Variants in CCDC178 observed in about 807,000 individuals in gnomAD.
CCDC178 encodes the protein coiled-coil domain-containing protein 178.
A neutral mutation model predicts 117.4 loss-of-function variants in CCDC178; 126 were observed. The ratio of observed to expected loss-of-function variants is 1.07; its 90% CI spans 0.93 to 1.24. The LOEUF (loss-of-function observed/expected upper bound fraction) is 1.24. Among genes scored for constraint, CCDC178 ranks in the 50% most tolerant of loss-of-function variants. CCDC178 has a pLI of 0.00. For synonymous variants in CCDC178, 283 were observed against 313.4 expected (o/e 0.90, Z 1.02); for missense variants, 1,030 against 986.9 (o/e 1.04, Z -0.59).
intron 9 of CCDC178, among the ~76,000 whole-genome samples, chr18:33,333,875 A>G (rs1248824908): frequency 6.6e-6 from 1 of 152,134 alleles, no homozygotes; most frequent in East Asian, 1.9e-4. Context: ...TTCATCATCA[A>G]AAGGATTAAA....
chr18:33,039,049 T>C (rs2056497837), intron 21 of CCDC178, among the ~76,000 whole-genome samples: 1 of 152,002 alleles, frequency 6.6e-6, no homozygotes, highest in African/African-American at 2.4e-5. Context: ...TTTAAAAGAT[T>C]AAGTTCCCAA....
At chr18:33,054,869 C>G (rs2056803207) in intron 21 of CCDC178, among the ~76,000 whole-genome samples, 1 of 152,194 alleles carries the variant, frequency 6.6e-6, no homozygotes, top group African/African-American at 2.4e-5. Flanking sequence ...AATAGTTGAA[C>G]AAATTTATAC....
At chr18:33,000,709 T>C (rs2055612987) in intron 21 of CCDC178, among the ~76,000 whole-genome samples, 1 of 152,210 alleles carries the variant, frequency 6.6e-6, no homozygotes, top group Admixed American at 6.5e-5. Flanking sequence ...TATCCTAGAA[T>C]AGCGTATCCA....
intron 20 of CCDC178, among the ~76,000 whole-genome samples, chr18:33,150,455 G>C (rs2058328204): frequency 6.6e-6 from 1 of 152,138 alleles, no homozygotes; most frequent in African/African-American, 2.4e-5. Context: ...AGACAATCTT[G>C]TGGGAGAAAA....
intron 22 of CCDC178, among the ~76,000 whole-genome samples, chr18:32,963,362 C>G (rs2054745834): frequency 6.6e-6 from 1 of 152,002 alleles, no homozygotes; most frequent in South Asian, 2.1e-4. Context: ...AAGTCCCACT[C>G]TTACAAAGGC....
intron 22 of CCDC178, among the ~76,000 whole-genome samples, chr18:32,972,517 C>T (rs2054949302): frequency 1.3e-5 from 2 of 151,994 alleles, no homozygotes; most frequent in Non-Finnish European, 2.9e-5. Flanking sequence ...TTTTTGGTGC[C>T]ATATGAAATT....
intron 10 of CCDC178, among the ~76,000 whole-genome samples, chr18:33,326,550 T>C (rs1401450664): frequency 6.6e-6 from 1 of 152,184 alleles, no homozygotes; most frequent in Non-Finnish European, 1.5e-5. Flanking sequence ...CCTTAGCATA[T>C]CTAGAGACAT....
intron 12 of CCDC178, among the ~76,000 whole-genome samples, chr18:33,283,361 A>G (rs1013534570): frequency 3.9e-5 from 6 of 152,216 alleles, no homozygotes; most frequent in African/African-American, 1.4e-4. Context: ...TCAAAGACTG[A>G]GTGCCTTCTT....
At chr18:33,310,947 T>C (rs2062333831) in intron 11 of CCDC178, among the ~76,000 whole-genome samples, 1 of 152,164 alleles carries the variant, frequency 6.6e-6, no homozygotes, top group African/African-American at 2.4e-5. Flanking sequence ...TCTTCCTCTA[T>C]GATGTCCTGG....
chr18:33,106,937 G>A (rs1326359312), intron 20 of CCDC178, among the ~76,000 whole-genome samples: 1 of 151,694 alleles, frequency 6.6e-6, no homozygotes, highest in African/African-American at 2.4e-5. Flanking sequence ...AGCTGGAAAT[G>A]GCCCTCAACT....
chr18:33,161,498 T>C (rs925135532), intron 20 of CCDC178, among the ~76,000 whole-genome samples: 11 of 152,192 alleles, frequency 7.2e-5, no homozygotes, highest in African/African-American at 2.7e-4. Flanking sequence ...AGCCTTCCTA[T>C]TCATATTTTA....
At chr18:33,115,606 T>C (rs1323035679) in intron 20 of CCDC178, among the ~76,000 whole-genome samples, 1 of 152,050 alleles carries the variant, frequency 6.6e-6, no homozygotes, top group African/African-American at 2.4e-5. Flanking sequence ...CATACAGCCT[T>C]AAAAATTTGT....
chr18:33,298,504 A>G (rs925312500), intron 11 of CCDC178, among the ~76,000 whole-genome samples: 4 of 152,344 alleles, frequency 2.6e-5, no homozygotes, highest in South Asian at 2.1e-4. Context: ...GCCATATATG[A>G]CAAAACCATA....
chr18:32,990,573 A>C (rs1213773282), intron 21 of CCDC178, among the ~76,000 whole-genome samples: 1 of 152,134 alleles, frequency 6.6e-6, no homozygotes, highest in Non-Finnish European at 1.5e-5. Flanking sequence ...AGTATATGTA[A>C]AACTAAATTC....
chr18:33,225,320 C>T (rs1157096676), intron 16 of CCDC178, among the ~76,000 whole-genome samples: 5 of 151,904 alleles, frequency 3.3e-5, no homozygotes, highest in East Asian at 3.9e-4. Context: ...GTACCATGCC[C>T]GGCTAATTTT....
chr18:33,155,327 A>G (rs2058381798), intron 20 of CCDC178, among the ~76,000 whole-genome samples: 1 of 152,128 alleles, frequency 6.6e-6, no homozygotes, highest in Non-Finnish European at 1.5e-5. Context: ...ATAAAAAGAT[A>G]AAAATATTAA....
At chr18:33,118,947 C>G (rs1208407854) in intron 20 of CCDC178, among the ~76,000 whole-genome samples, 2 of 152,118 alleles carry the variant, frequency 1.3e-5, no homozygotes, top group Non-Finnish European at 2.9e-5. Flanking sequence ...AAAGGATGCC[C>G]TATTTAATAA....
At position 33,399,542 on chromosome 18, in the gene CCDC178, G is replaced by T. The variant is rs989666933; in HGVS notation, c.59-2334C>A. Among the ~76,000 whole-genome samples the T allele has an allele frequency of 5.3e-5, 8 of 152,310 alleles. No individual in the cohort carries two copies. In the East Asian group the frequency reaches 1.5e-3, roughly 29 times the overall value. On this transcript the variant is annotated intron_variant, in intron 3 of 22. Transcript: ENST00000383096. ...AATATTTTGTTGTCATTTCAACAAT[G>T]CCTACAGTATCTTCACCAGGAATAG...
At chr18:33,091,766 T>C (rs1360441560) in intron 21 of CCDC178, among the ~76,000 whole-genome samples, 2 of 152,292 alleles carry the variant, frequency 1.3e-5, no homozygotes, top group East Asian at 3.9e-4. Flanking sequence ...AATAATTACT[T>C]ACAGTCGTAT....
Sources: allele counts gnomAD v4.1 joint callset (sites outside exome capture counted in the v4.1 genomes callset), GRCh38; gene constraint gnomAD v4.1.1; transcripts MANE v1.5; gene names NCBI Gene and HGNC (gene_info 2026-07-23, HGNC 2026-07-21).